The following ZPBP variants were observed in gnomAD, a reference collection of about 807,000 sequenced individuals.
The protein encoded by ZPBP is zona pellucida-binding protein 1.
A neutral mutation model predicts 44.8 loss-of-function variants in ZPBP; 26 were observed. The ratio of observed to expected loss-of-function variants is 0.58; its 90% CI spans 0.43 to 0.81. The LOEUF (loss-of-function observed/expected upper bound fraction) is 0.81. Among genes scored for constraint, ZPBP ranks in the 30% least tolerant of loss-of-function variants. The pLI is 0.00. For missense variants in ZPBP, 409 were observed against 434.0 expected (o/e 0.94, Z 0.51); for synonymous variants, 174 against 153.2 (o/e 1.14, Z -1.00).
chr7:50,037,364 C>G (rs1330643081), intron 4 of ZPBP, among the ~76,000 whole-genome samples: 1 of 152,112 alleles, frequency 6.6e-6, no homozygotes, highest in South Asian at 2.1e-4. Context: ...TGTAATAGTC[C>G]GTTCTCACAC....
the ZPBP span, among the ~76,000 whole-genome samples, chr7:49,841,069 G>A: frequency 2.0e-5 from 3 of 152,222 alleles, no homozygotes; most frequent in Non-Finnish European, 4.4e-5. Flanking sequence ...GGATTCCAGA[G>A]GAATGTGGAC....
chr7:50,052,390 C>T (rs992796222), intron 4 of ZPBP, among the ~76,000 whole-genome samples: 5 of 152,010 alleles, frequency 3.3e-5, no homozygotes, highest in African/African-American at 1.2e-4. Flanking sequence ...CAAATTAAAA[C>T]CACAATGAAA....
intron 1 of ZPBP, chr7:49,921,194 G>A (rs954861432): frequency 7.2e-5 from 11 of 152,230 alleles, no homozygotes; most frequent in African/African-American, 2.4e-4. Flanking sequence ...GATCAAAAGG[G>A]AATGCCCATG....
intron 1 of ZPBP, chr7:49,920,587 T>A (rs1003499139): frequency 7.2e-5 from 11 of 152,216 alleles, no homozygotes; most frequent in African/African-American, 2.4e-4. Flanking sequence ...AGAGAGAGAC[T>A]CTGCTTGGCC....
intron 7 of ZPBP, among the ~76,000 whole-genome samples, chr7:49,972,498 A>C (rs1005865039): frequency 6.6e-6 from 1 of 152,084 alleles, no homozygotes; most frequent in Non-Finnish European, 1.5e-5. Flanking sequence ...CATTAAAAAG[A>C]ATACAAGGCT....
chr7:50,003,698 T>C (rs1278898429), intron 6 of ZPBP, among the ~76,000 whole-genome samples: 1 of 152,110 alleles, frequency 6.6e-6, no homozygotes, highest in Non-Finnish European at 1.5e-5. Flanking sequence ...CCAGAACTCA[T>C]ATAATGGAGT....
At chr7:50,076,752 T>G (rs1233144228) in intron 3 of ZPBP, among the ~76,000 whole-genome samples, 2 of 151,086 alleles carry the variant, frequency 1.3e-5, no homozygotes, top group Non-Finnish European at 3.0e-5. Context: ...GAAGAGGACA[T>G]CCAAAGATGA....
chr7:49,917,793 A>C (rs182113349), intron 1 of ZPBP: 76 of 151,748 alleles, frequency 5.0e-4, no homozygotes, highest in African/African-American at 1.8e-3. Context: ...TATTATTTGA[A>C]TTTCTGTAAT....
At chr7:50,091,678 A>C (rs1802999646) in intron 1 of ZPBP, among the ~76,000 whole-genome samples, 1 of 152,220 alleles carries the variant, frequency 6.6e-6, no homozygotes, top group Non-Finnish European at 1.5e-5. Context: ...AATCAGTATC[A>C]AACACTATAC....
intron 1 of ZPBP, among the ~76,000 whole-genome samples, chr7:49,909,859 T>C (rs1368236280): frequency 1.3e-4 from 20 of 152,138 alleles, no homozygotes; most frequent in Admixed American, 1.3e-3. Context: ...ATCCCAGCAC[T>C]TTGGGAGGTC....
At chr7:50,047,230 G>T (rs1268339424) in intron 4 of ZPBP, among the ~76,000 whole-genome samples, 1 of 151,866 alleles carries the variant, frequency 6.6e-6, no homozygotes, top group African/African-American at 2.4e-5. Context: ...AACCACCACG[G>T]TATGTGTATA....
intron 7 of ZPBP, among the ~76,000 whole-genome samples, chr7:49,964,495 A>G (rs1054012402): frequency 2.2e-4 from 33 of 152,068 alleles, no homozygotes; most frequent in African/African-American, 6.5e-4. Flanking sequence ...CCAACAATTG[A>G]AATAAAAAAT....
intron 7 of ZPBP, among the ~76,000 whole-genome samples, chr7:49,945,483 C>A (rs531768476): frequency 2.6e-5 from 4 of 152,198 alleles, no homozygotes; most frequent in Admixed American, 2.6e-4. Flanking sequence ...ATAGGGGTCT[C>A]TCTCTTTAGC....
intron 3 of ZPBP, among the ~76,000 whole-genome samples, chr7:50,079,722 C>A (rs1215219245): frequency 6.6e-6 from 1 of 151,596 alleles, no homozygotes; most frequent in African/African-American, 2.4e-5. Flanking sequence ...CACACACACA[C>A]AAAATGGCAA....
chr7:49,849,778 A>G (rs530261386), downstream of ZPBP, among the ~76,000 whole-genome samples: 1 of 152,344 alleles, frequency 6.6e-6, no homozygotes, highest in Non-Finnish European at 1.5e-5. Context: ...GTCTGACTTA[A>G]TAAAAGTGGC....
At chr7:49,978,078 T>C (rs977648709) in intron 7 of ZPBP, among the ~76,000 whole-genome samples, 7 of 113,030 alleles carry the variant, frequency 6.2e-5, no homozygotes, top group African/African-American at 2.8e-4. Flanking sequence ...TTTTTGGTTT[T>C]TTGTTTTTTT....
intron 7 of ZPBP, among the ~76,000 whole-genome samples, chr7:49,980,948 C>G (rs1235711502): frequency 6.6e-6 from 1 of 151,382 alleles, no homozygotes; most frequent in Non-Finnish European, 1.5e-5. Context: ...ACTGACTATT[C>G]CTTTTACTTT....
chr7:49,855,253 A>C (rs561292364), intron 2 of ZPBP, among the ~76,000 whole-genome samples: 1 of 152,310 alleles, frequency 6.6e-6, no homozygotes, highest in African/African-American at 2.4e-5. Context: ...TAAATGGTTG[A>C]GGAAAACACT....
chr7:49,970,526 A>G (rs1796259201), intron 7 of ZPBP, among the ~76,000 whole-genome samples: 1 of 111,662 alleles, frequency 9.0e-6, no homozygotes, highest in Non-Finnish European at 1.7e-5. Flanking sequence ...TCAAGGGCAC[A>G]TGAAACAATC....
Sources: allele counts gnomAD v4.1 joint callset (sites outside exome capture counted in the v4.1 genomes callset), GRCh38; gene constraint gnomAD v4.1.1; transcripts MANE v1.5; gene names NCBI Gene and HGNC (gene_info 2026-07-23, HGNC 2026-07-21).